The following OPRM1 variants were observed in gnomAD, a reference collection of about 807,000 sequenced individuals.
OPRM1 encodes mu-type opioid receptor.
In OPRM1, 27 loss-of-function variants were observed where a neutral mutation model predicts 31.8. The observed-to-expected ratio is 0.85, with a 90% confidence interval of 0.63 to 1.17. OPRM1 has a LOEUF of 1.17. Among genes scored for constraint, OPRM1 ranks in the 50% most tolerant of loss-of-function variants. OPRM1 has a pLI of 0.00. For synonymous variants in OPRM1, 196 were observed against 189.9 expected (o/e 1.03, Z -0.26); for missense variants, 536 against 511.1 (o/e 1.05, Z -0.47).
intron 1 of OPRM1, among the ~76,000 whole-genome samples, chr6:154,025,874 A>T (rs1032249937): frequency 6.6e-6 from 1 of 152,030 alleles, no homozygotes; most frequent in East Asian, 1.9e-4. Context: ...GTTTCTATTT[A>T]TATCTTATTG....
intron 3 of OPRM1, among the ~76,000 whole-genome samples, chr6:154,118,238 G>A (rs1195308974): frequency 2.6e-5 from 4 of 152,048 alleles, no homozygotes; most frequent in South Asian, 2.1e-4. Flanking sequence ...TTTGAGAATT[G>A]GGTAAAAATA....
chr6:154,152,347 G>GAAAGAAAGGAAGGAAAGAAAGAAAGAAA, intron 3 of OPRM1, among the ~76,000 whole-genome samples: 2 of 65,130 alleles, frequency 3.1e-5, no homozygotes, highest in African/African-American at 1.1e-4. Flanking sequence ...AAGAAAGAAA[G>GAAAGAAAGGAAGGAAAGAAAGAAAGAAA]GAAAGAAAGA....
intron 1 of OPRM1, among the ~76,000 whole-genome samples, chr6:154,072,385 A>T (rs1428147396): frequency 6.6e-6 from 1 of 152,256 alleles, no homozygotes; most frequent in Non-Finnish European, 1.5e-5. Context: ...CACATATGTT[A>T]CATAGCACTA....
At chr6:154,174,369 C>T (rs187952159) in intron 3 of OPRM1, among the ~76,000 whole-genome samples, 49 of 152,214 alleles carry the variant, frequency 3.2e-4, no homozygotes, top group East Asian at 2.9e-3. Context: ...TTAAAAGACA[C>T]GGACTGGCAA....
intron 3 of OPRM1, among the ~76,000 whole-genome samples, chr6:154,235,672 A>C (rs1780073284): frequency 6.6e-6 from 1 of 152,146 alleles, no homozygotes. Flanking sequence ...AGCTGTTTTC[A>C]TGAGTTTCGT....
intron 3 of OPRM1, among the ~76,000 whole-genome samples, chr6:154,164,640 A>G (rs1462050586): frequency 6.6e-6 from 1 of 152,174 alleles, no homozygotes; most frequent in East Asian, 1.9e-4. Flanking sequence ...TTTTACTCCA[A>G]ATAGTCAGTG....
intron 3 of OPRM1, among the ~76,000 whole-genome samples, chr6:154,104,262 A>T (rs632499): frequency 7.2e-5 from 11 of 152,158 alleles, no homozygotes; most frequent in East Asian, 1.9e-4. Flanking sequence ...AAGATTAATA[A>T]ATGTTTAGTT....
chr6:154,192,496 G>A (rs9478516), intron 3 of OPRM1, among the ~76,000 whole-genome samples: 22,540 of 151,938 alleles, frequency 0.15, 1,996 homozygotes, highest in African/African-American at 0.24. Context: ...GAAAAGAAAT[G>A]GAAAACCAAA....
At chr6:154,087,596 A>G in intron 1 of OPRM1, 1 of 985,162 alleles carries the variant, frequency 1.0e-6, no homozygotes, top group East Asian at 1.1e-4. Flanking sequence ...CTGCAGGAAA[A>G]CTAATACACT....
intron 3 of OPRM1, among the ~76,000 whole-genome samples, chr6:154,154,245 T>C (rs1421726054): frequency 1.3e-5 from 2 of 152,250 alleles, no homozygotes; most frequent in Non-Finnish European, 2.9e-5. Context: ...TTATTTTCTT[T>C]GTTCATTTTC....
chr6:154,039,058 G>A (rs538564934), upstream of OPRM1: 3 of 1,342,644 alleles, frequency 2.2e-6, no homozygotes, highest in Non-Finnish European at 2.0e-6. Context: ...AGAAAAAGGC[G>A]CTGGAAAATT....
chr6:154,014,863 A>G (rs1777919639), intron 1 of OPRM1, among the ~76,000 whole-genome samples: 2 of 152,326 alleles, frequency 1.3e-5, no homozygotes, highest in South Asian at 4.1e-4. Context: ...TAAGCCTGCC[A>G]AAAGCAATAT....
upstream of OPRM1, among the ~76,000 whole-genome samples, chr6:154,038,758 TG>T (rs1311921463): frequency 1.3e-5 from 2 of 152,274 alleles, no homozygotes; most frequent in Admixed American, 1.3e-4. Flanking sequence ...CCCTAGAAAT[TG>T]GGGAAAATGA....
chr6:154,166,924 C>A (rs1442692193), intron 3 of OPRM1, among the ~76,000 whole-genome samples: 2 of 152,156 alleles, frequency 1.3e-5, no homozygotes, highest in African/African-American at 2.4e-5. Flanking sequence ...AATTTCTCTG[C>A]ATTTGTATTA....
rs751275386 is a variant in OPRM1 at position 154,091,139 on chromosome 6, T to C, written c.831T>C (p.Leu277=). 2.5e-6 allele frequency: 4 copies of C among 1,614,062 alleles called. No individual in the cohort carries two copies. The highest frequency in any genetic ancestry group is 8.5e-7 in the Non-Finnish European group (1 of 1,180,046). The change falls in exon 3 of 4, where the codon CTT becomes CTC. Residue 277 remains leucine (L), a synonymous_variant. Coordinates refer to ENST00000330432, the MANE Select transcript of OPRM1 (RefSeq NM_000914.5). ...GCTCCAAAGAAAAGGACAGGAATCT[T>C]CGAAGGATCACCAGGATGGTGCTGG... ...LSGSKEKDRN[L]RRITRMVLVV...
chr6:154,172,143 T>C (rs1799924253), intron 3 of OPRM1, among the ~76,000 whole-genome samples: 1 of 152,240 alleles, frequency 6.6e-6, no homozygotes, highest in South Asian at 2.1e-4. Context: ...TTTGTAATTA[T>C]GTCACAGTAA....
chr6:154,097,302 C>T (rs1400081454), intron 3 of OPRM1, among the ~76,000 whole-genome samples: 3 of 152,164 alleles, frequency 2.0e-5, no homozygotes, highest in African/African-American at 7.2e-5. Context: ...AGGAGATGCT[C>T]TGTATTTGGT....
chr6:154,181,939 G>A (rs922575588), intron 3 of OPRM1, among the ~76,000 whole-genome samples: 6 of 152,198 alleles, frequency 3.9e-5, no homozygotes, highest in Non-Finnish European at 7.3e-5. Context: ...TAGAAGATGA[G>A]AACGTCAAGT....
At chr6:154,182,753 A>C (rs1030349380) in intron 3 of OPRM1, among the ~76,000 whole-genome samples, 2 of 152,190 alleles carry the variant, frequency 1.3e-5, no homozygotes, top group African/African-American at 4.8e-5. Context: ...TTGTAGATAA[A>C]TATGTTAGCT....
Sources: gnomAD v4.1 joint callset for allele counts (sites outside exome capture counted in the v4.1 genomes callset) on GRCh38, gnomAD v4.1.1 for gene constraint, MANE v1.5 for transcripts, NCBI Gene and HGNC (gene_info 2026-07-23, HGNC 2026-07-21) for gene names.